Variants in NCAM2 observed in about 807,000 individuals in gnomAD.
The protein encoded by NCAM2 is N-CAM-2.
Under a neutral mutation model 98.1 loss-of-function variants are expected in NCAM2, and 30 were observed. The observed-to-expected ratio is 0.31, with a 90% confidence interval of 0.23 to 0.41. The LOEUF (loss-of-function observed/expected upper bound fraction) is 0.41. NCAM2 is among the 10% of genes least tolerant of loss of function. The pLI is 1.00. For missense variants in NCAM2, 867 were observed against 1,005.8 expected, an observed-to-expected ratio of 0.86 and a Z score of 1.87; for synonymous variants, 368 against 342.4, an observed-to-expected ratio of 1.07 and a Z score of -0.83.
At chr21:21,121,974 A>G (rs1174044905) in intron 1 of NCAM2, among the ~76,000 whole-genome samples, 1 of 152,258 alleles carries the variant, frequency 6.6e-6, no homozygotes, top group East Asian at 1.9e-4. Context: ...TCCAAGAACA[A>G]CTGTTAAATG....
intron 1 of NCAM2, among the ~76,000 whole-genome samples, chr21:21,008,002 T>G (rs1045822759): frequency 6.6e-6 from 1 of 152,212 alleles, no homozygotes; most frequent in Non-Finnish European, 1.5e-5. Context: ...ATTATCATTC[T>G]CTACTAATCA....
At chr21:21,144,352 A>G (rs1250959382) in intron 1 of NCAM2, among the ~76,000 whole-genome samples, 4 of 12,320 alleles carry the variant, frequency 3.2e-4, no homozygotes, top group Non-Finnish European at 7.3e-4. Flanking sequence ...CTCAAAAAGA[A>G]AAAAAAAAAA....
intron 3 of NCAM2, among the ~76,000 whole-genome samples, chr21:21,285,021 T>G (rs1277762302): frequency 6.6e-6 from 1 of 151,832 alleles, no homozygotes; most frequent in Non-Finnish European, 1.5e-5. Context: ...GACTCCTGCA[T>G]TTTAAAGCAA....
intron 16 of NCAM2, among the ~76,000 whole-genome samples, chr21:21,512,046 T>C (rs1245119070): frequency 6.6e-6 from 1 of 152,026 alleles, no homozygotes; most frequent in African/African-American, 2.4e-5. Flanking sequence ...ATTCTGTGGG[T>C]TGTCACTTCA....
intron 1 of NCAM2, among the ~76,000 whole-genome samples, chr21:21,185,410 G>A (rs1370732541): frequency 6.6e-6 from 1 of 152,056 alleles, no homozygotes; most frequent in African/African-American, 2.4e-5. Context: ...TAACTTTCTT[G>A]TAATGACTCC....
chr21:21,057,685 A>G (rs2146316810), intron 1 of NCAM2, among the ~76,000 whole-genome samples: 1 of 152,176 alleles, frequency 6.6e-6, no homozygotes, highest in Middle Eastern at 3.4e-3. Flanking sequence ...ATATTTAACA[A>G]AAGCATTTTT....
At chr21:21,465,331 A>C (rs2847448) in intron 12 of NCAM2, among the ~76,000 whole-genome samples, 84,876 of 151,764 alleles carry the variant, frequency 0.56, 25,131 homozygotes, top group African/African-American at 0.7. Context: ...CCTGAAATCC[A>C]AGACTTTGGG....
chr21:21,248,838 T>C (rs2071381078), intron 1 of NCAM2, among the ~76,000 whole-genome samples: 2 of 146,774 alleles, frequency 1.4e-5, no homozygotes, highest in African/African-American at 5.0e-5. Flanking sequence ...TTTCTTTCTT[T>C]GGCAAAGTGC....
chr21:21,519,887 T>A (rs1988922084), intron 16 of NCAM2, among the ~76,000 whole-genome samples: 1 of 152,116 alleles, frequency 6.6e-6, no homozygotes, highest in Non-Finnish European at 1.5e-5. Flanking sequence ...ATGACTATGA[T>A]GATTTATTAA....
At chr21:21,427,616 A>G (rs1253745596) in intron 11 of NCAM2, among the ~76,000 whole-genome samples, 1 of 152,178 alleles carries the variant, frequency 6.6e-6, no homozygotes, top group African/African-American at 2.4e-5. Flanking sequence ...TTGGACAAAG[A>G]TTAAAAAGTT....
At chr21:21,149,868 A>G (rs1038422454) in intron 1 of NCAM2, among the ~76,000 whole-genome samples, 3 of 152,184 alleles carry the variant, frequency 2.0e-5, no homozygotes, top group South Asian at 2.1e-4. Context: ...TAATGTTTCA[A>G]TAAACATACA....
At chr21:21,166,475 G>A (rs1569098886) in intron 1 of NCAM2, among the ~76,000 whole-genome samples, 1 of 150,918 alleles carries the variant, frequency 6.6e-6, no homozygotes, top group African/African-American at 2.4e-5. Flanking sequence ...CAAAGTGCTG[G>A]GATTACAGGC....
chr21:21,464,137 C>G (rs1342568864), intron 12 of NCAM2, among the ~76,000 whole-genome samples: 1 of 152,016 alleles, frequency 6.6e-6, no homozygotes, highest in Admixed American at 6.6e-5. Context: ...TTGCCAGATG[C>G]CATCACCAAC....
intron 1 of NCAM2, among the ~76,000 whole-genome samples, chr21:21,160,889 A>G (rs1028488975): frequency 6.6e-6 from 1 of 151,978 alleles, no homozygotes; most frequent in African/African-American, 2.4e-5. Flanking sequence ...GTTCTTGACT[A>G]TATTATATTT....
intron 9 of NCAM2, among the ~76,000 whole-genome samples, chr21:21,396,919 G>A (rs2076521456): frequency 6.6e-6 from 1 of 152,156 alleles, no homozygotes; most frequent in Non-Finnish European, 1.5e-5. Context: ...CAAGTAGGGG[G>A]CATGTTTCAG....
chr21:21,190,995 G>A (rs79301923), intron 1 of NCAM2, among the ~76,000 whole-genome samples: 237 of 152,222 alleles, frequency 1.6e-3, no homozygotes, highest in African/African-American at 5.5e-3. Flanking sequence ...TTTACATACA[G>A]TATTTATTAG....
chr21:21,377,623 T>A (rs1243505981), intron 9 of NCAM2, among the ~76,000 whole-genome samples: 1 of 151,938 alleles, frequency 6.6e-6, no homozygotes, highest in Non-Finnish European at 1.5e-5. Context: ...ATTTTTGTTA[T>A]ATGTATATAG....
intron 1 of NCAM2, among the ~76,000 whole-genome samples, chr21:21,050,245 A>G (rs529666419): frequency 2.0e-5 from 3 of 152,320 alleles, no homozygotes; most frequent in African/African-American, 7.2e-5. Flanking sequence ...AAGTGAAAGG[A>G]TTAACTTTCT....
intron 9 of NCAM2, among the ~76,000 whole-genome samples, chr21:21,408,294 T>C (rs2076784257): frequency 6.6e-6 from 1 of 152,166 alleles, no homozygotes; most frequent in Non-Finnish European, 1.5e-5. Flanking sequence ...GCCGAGCTAA[T>C]GGAAAGCCAT....
Sources: allele counts gnomAD v4.1 joint callset (sites outside exome capture counted in the v4.1 genomes callset), GRCh38; gene constraint gnomAD v4.1.1; transcripts MANE v1.5; gene names NCBI Gene and HGNC (gene_info 2026-07-23, HGNC 2026-07-21).